ACCSL: variants seen among roughly 807,000 people sequenced by gnomAD.
ACCSL encodes probable inactive 1-aminocyclopropane-1-carboxylate synthase-like protein 2.
In ACCSL, 55 loss-of-function variants were observed where a neutral mutation model predicts 61.7. That is an observed-to-expected ratio of 0.89 (90% CI 0.72 to 1.12). The LOEUF is 1.12. Among genes scored for constraint, ACCSL ranks in the 50% most tolerant of loss-of-function variants. The probability of loss-of-function intolerance (pLI) is 0.00; values close to 1 mark genes in which losing one functional copy is unlikely to be tolerated. For synonymous variants in ACCSL, 258 were observed against 264.3 expected, an observed-to-expected ratio of 0.98 and a Z score of 0.23; for missense variants, 632 against 698.0, an observed-to-expected ratio of 0.91 and a Z score of 1.07.
At chr11:44,035,961 GA>G in the ACCSL span, among the ~76,000 whole-genome samples, 3 of 125,966 alleles carry the variant, frequency 2.4e-5, no homozygotes, top group South Asian at 7.4e-4. Context: ...AAAAAAAAAA[GA>G]AAGAAAGAAA....
the ACCSL span, among the ~76,000 whole-genome samples, chr11:43,959,266 G>T: frequency 6.6e-6 from 1 of 152,090 alleles, no homozygotes; most frequent in Non-Finnish European, 1.5e-5. Context: ...CCATGTGCTT[G>T]TTCTTGCCAA....
chr11:43,973,237 T>G, the ACCSL span, among the ~76,000 whole-genome samples: 1 of 152,162 alleles, frequency 6.6e-6, no homozygotes. Context: ...GGATACAGGT[T>G]TTGTGAAATA....
At chr11:44,040,414 G>A in the ACCSL span, among the ~76,000 whole-genome samples, 4 of 152,156 alleles carry the variant, frequency 2.6e-5, no homozygotes, top group Non-Finnish European at 4.4e-5. Flanking sequence ...CTGGGTGGGC[G>A]TTGCAAAGCC....
the ACCSL span, chr11:43,942,749 G>C: frequency 6.5e-6 from 1 of 153,346 alleles, no homozygotes; most frequent in East Asian, 2.5e-4. Context: ...AGGAGCGCCG[G>C]CCCGGGCCCG....
At chr11:43,953,033 A>AT in the ACCSL span, among the ~76,000 whole-genome samples, 1 of 151,904 alleles carries the variant, frequency 6.6e-6, no homozygotes, top group Admixed American at 6.6e-5. Flanking sequence ...CCAGATGGAC[A>AT]TTTTTATTGT....
chr11:43,956,496 T>A, the ACCSL span, among the ~76,000 whole-genome samples: 2 of 152,106 alleles, frequency 1.3e-5, no homozygotes. Context: ...CTCAGCTCAC[T>A]GCAACCTCAG....
At chr11:43,943,767 GAT>G in the ACCSL span, 3 of 1,304,052 alleles carry the variant, frequency 2.3e-6, no homozygotes, top group Admixed American at 6.9e-5. The surrounding 1 kb of genome is among the most constrained non-coding windows in gnomAD (Gnocchi z 4.8). Context: ...CTGGAGGATT[GAT>G]ATTTATTTTT....
chr11:44,032,269 C>T, the ACCSL span, among the ~76,000 whole-genome samples: 2 of 152,122 alleles, frequency 1.3e-5, no homozygotes, highest in African/African-American at 4.8e-5. Context: ...CATGTCCTCT[C>T]GTCACTCTGC....
chr11:44,038,539 C>T, the ACCSL span, among the ~76,000 whole-genome samples: 9 of 152,050 alleles, frequency 5.9e-5, no homozygotes, highest in East Asian at 1.9e-4. Flanking sequence ...TGCAAAGGCC[C>T]GGGGGAACAA....
the ACCSL span, among the ~76,000 whole-genome samples, chr11:43,932,098 G>C: frequency 4.6e-5 from 7 of 152,218 alleles, no homozygotes; most frequent in Admixed American, 3.9e-4. Context: ...GCATCATTGC[G>C]ACCCTAATTC....
At chr11:43,981,329 G>C in the ACCSL span, among the ~76,000 whole-genome samples, 1 of 152,254 alleles carries the variant, frequency 6.6e-6, no homozygotes, top group South Asian at 2.1e-4. Flanking sequence ...GACTTCCCTG[G>C]ACACTGGGGC....
the ACCSL span, among the ~76,000 whole-genome samples, chr11:43,934,631 C>T: frequency 2.6e-5 from 4 of 152,154 alleles, no homozygotes; most frequent in Admixed American, 6.5e-5. Context: ...CTGGGTGAGG[C>T]GGGGGATGGC....
chr11:44,044,020 T>G (rs1194805243), upstream of ACCSL, among the ~76,000 whole-genome samples: 1 of 152,246 alleles, frequency 6.6e-6, no homozygotes, highest in Non-Finnish European at 1.5e-5. Context: ...TTTATGTACC[T>G]GATTTTCTAT....
At chr11:44,053,960 C>G (rs1404343343) in intron 8 of ACCSL, among the ~76,000 whole-genome samples, 9 of 152,232 alleles carry the variant, frequency 5.9e-5, no homozygotes, top group Non-Finnish European at 1.5e-5. Context: ...CAATCACATG[C>G]TTACCACTTC....
the ACCSL span, among the ~76,000 whole-genome samples, chr11:44,036,467 C>A: frequency 6.6e-6 from 1 of 152,142 alleles, no homozygotes. Context: ...TATATGGAAC[C>A]CAGGGCCCAG....
At chr11:43,989,366 C>G in the ACCSL span, among the ~76,000 whole-genome samples, 5 of 152,228 alleles carry the variant, frequency 3.3e-5, no homozygotes, top group Non-Finnish European at 7.3e-5. Context: ...CCACGGATCT[C>G]CCCTCCCCCG....
chr11:43,940,498 GGCACCC>G, the ACCSL span, among the ~76,000 whole-genome samples: 1 of 151,414 alleles, frequency 6.6e-6, no homozygotes, highest in Admixed American at 6.6e-5. Context: ...TGGGACTACA[GGCACCC>G]GCTGCCACGC....
the ACCSL span, among the ~76,000 whole-genome samples, chr11:43,982,543 C>T: frequency 6.6e-6 from 1 of 152,078 alleles, no homozygotes; most frequent in Non-Finnish European, 1.5e-5. Flanking sequence ...TCACACAACA[C>T]GTCCCCACTT....
chr11:43,981,415 C>T, the ACCSL span, among the ~76,000 whole-genome samples: 1 of 152,012 alleles, frequency 6.6e-6, no homozygotes, highest in African/African-American at 2.4e-5. Flanking sequence ...GCAAGAGGCA[C>T]AAGTTGGGGT....
Sources: gnomAD v4.1 joint callset for allele counts (sites outside exome capture counted in the v4.1 genomes callset) on GRCh38, gnomAD v4.1.1 for gene constraint, Gnocchi (gnomAD v3.1) non-coding constraint, MANE v1.5 for transcripts, NCBI Gene and HGNC (gene_info 2026-07-23, HGNC 2026-07-21) for gene names.